Variants in IL22RA1 observed in about 807,000 individuals in gnomAD.
IL22RA1 encodes the protein interleukin-22 receptor subunit alpha-1.
Under a neutral mutation model 32.8 loss-of-function variants are expected in IL22RA1, and 25 were observed. The observed-to-expected ratio is 0.76, with a 90% CI of 0.55 to 1.06. The LOEUF is 1.06. Among genes scored for constraint, IL22RA1 ranks in the 50% least tolerant of loss-of-function variants. The pLI is 0.00. For synonymous variants in IL22RA1, 305 were observed against 305.0 expected (o/e 1.00, Z 0.00); for missense variants, 709 against 727.4 (o/e 0.97, Z 0.29).
Position 24,121,235 on chromosome 1 carries a change from T to C in IL22RA1, c.1295A>G (p.Gln432Arg), listed in dbSNP as rs761786806. 1.8e-5 allele frequency: 29 copies of C among 1,614,130 alleles called. No homozygotes were observed. The highest frequency in any genetic ancestry group is 2.4e-5 in the Non-Finnish European group (28 of 1,180,052). The change falls in exon 7 of 7, where the codon CAG becomes CGG. Residue 432 changes from glutamine to arginine, a missense_variant. Coordinates refer to ENST00000270800, the MANE Select transcript of IL22RA1 (RefSeq NM_021258.4). The part of the protein sequence containing the change: ...PKHLRPKGQL[Q>R]KEPPAGSCML... ...GCAGCTTCCAGCTGGTGGCTCTTTC[T>C]GAAGCTGACCTTTAGGCCTAAGGTG...
At chr1:24,128,337 C>T in intron 4 of IL22RA1, 58 bp from the exon 5 acceptor site, 1 of 1,605,288 alleles carries the variant, frequency 6.2e-7, no homozygotes, top group Non-Finnish European at 8.5e-7. Context: ...CCACATAGAG[C>T]CCAAGGAAGC....
intron 3 of IL22RA1, among the ~76,000 whole-genome samples, chr1:24,136,214 C>T (rs2506093): frequency 0.98 from 149,120 of 152,278 alleles, 73,110 homozygotes; most frequent in East Asian, 1. Flanking sequence ...CTCAGCCTCC[C>T]AAAGTGCTGG....
Position 24,121,362 on chromosome 1 carries a change from A to C in IL22RA1, c.1168T>G (p.Tyr390Asp). Reference protein sequence around the residue: ...QAISKVQPSSYAPQATPDSWP... With the variant: ...QAISKVQPSSDAPQATPDSWP... ...CTGTCCGGAGTGGCTTGAGGGGCAT[A>C]GGAGGAAGGCTGGACCTTAGAGATG... The change falls in exon 7 of 7, where the codon TAT becomes GAT. Residue 390 changes from tyrosine to aspartate, a missense_variant. Transcript: ENST00000270800. 6.3e-7 allele frequency: 1 copy of C among 1,586,914 alleles called. No individual in the cohort carries two copies. The highest frequency in any genetic ancestry group is 1.2e-5 in the South Asian group (1 of 86,424).
chr1:24,137,415 C>T (rs550602058), intron 2 of IL22RA1, 106 bp from the exon 3 acceptor site: 2 of 980,282 alleles, frequency 2.0e-6, no homozygotes, highest in Admixed American at 2.0e-5. Flanking sequence ...TTAGCACGTT[C>T]AGTGGCCCAG....
chr1:24,126,630 C>T (rs1241625812), intron 5 of IL22RA1, among the ~76,000 whole-genome samples: 2 of 152,168 alleles, frequency 1.3e-5, no homozygotes, highest in African/African-American at 2.4e-5. Context: ...TGAATGTTGG[C>T]ATGGTTGGAA....
Position 24,138,729 on chromosome 1 carries a change from G to A in IL22RA1, c.44-15C>T, listed in dbSNP as rs1277612708. On this transcript the variant is annotated splice_polypyrimidine_tract_variant and intron_variant, in intron 1 of 6. Coordinates refer to ENST00000270800, the MANE Select transcript of IL22RA1 (RefSeq NM_021258.4). ...AGGGGCGTGAGCTGCAGGAGGGTGGGAGGAGGGTGAGCAGGGGCTTTCCCA... is the reference window on the plus strand; with the variant it reads ...AGGGGCGTGAGCTGCAGGAGGGTGGAAGGAGGGTGAGCAGGGGCTTTCCCA... 6.8e-6 allele frequency: 11 copies of A among 1,612,914 alleles called. No individual in the cohort carries two copies. The highest frequency in any genetic ancestry group is 9.3e-6 in the Non-Finnish European group (11 of 1,179,500).
chr1:24,137,358 G>T (rs369494000), intron 2 of IL22RA1, 49 bp from the exon 3 acceptor site: 13 of 1,560,514 alleles, frequency 8.3e-6, no homozygotes, highest in Non-Finnish European at 1.1e-5. Context: ...AAAGGCCAGC[G>T]CTAGGCCTGT....
chr1:24,134,825 A>T, intron 3 of IL22RA1: 6 of 983,702 alleles, frequency 6.1e-6, no homozygotes, highest in Non-Finnish European at 7.2e-6. Context: ...AGCCTCAAAG[A>T]TCAGGCTGAA....
At chr1:24,128,692 T>C (rs999302582) in intron 4 of IL22RA1, among the ~76,000 whole-genome samples, 1 of 152,140 alleles carries the variant, frequency 6.6e-6, no homozygotes, top group Admixed American at 6.5e-5. Context: ...TGAACACCCA[T>C]TCCTTTCTTT....
At chr1:24,125,054 A>G (rs763516003) in intron 5 of IL22RA1, among the ~76,000 whole-genome samples, 3 of 152,134 alleles carry the variant, frequency 2.0e-5, no homozygotes, top group Non-Finnish European at 2.9e-5. Context: ...TCTGCCACAG[A>G]TATGCTGAGC....
At chr1:24,136,409 G>A (rs1279562143) in intron 3 of IL22RA1, among the ~76,000 whole-genome samples, 1 of 152,248 alleles carries the variant, frequency 6.6e-6, no homozygotes, top group African/African-American at 2.4e-5. Context: ...TGTGATCTGA[G>A]CGATGAAGAC....
rs993449578 is a variant in IL22RA1, at chr1:24,123,551, C to T, written c.671-128G>A. 4.7e-6 allele frequency: 7 copies of T among 1,501,612 alleles called. No homozygotes were observed. In the East Asian group the frequency reaches 1.7e-4, roughly 37 times the overall value. The allele number at this position is 1,501,612 out of a possible 1,614,324, so 93.0% of individuals were successfully genotyped here. A position where few individuals can be genotyped will look rare whatever the true frequency, so the allele number is the denominator to read the frequency against. ...GGGCTGGCAAGGCCTCTCCTACCGT[C>T]AGAATGCAAGATCACAAATGGAAGT... On this transcript the variant is annotated intron_variant, in intron 5 of 6. Coordinates refer to ENST00000270800, the MANE Select transcript of IL22RA1 (RefSeq NM_021258.4).
At chr1:24,140,673 T>G (rs1644274666) in intron 1 of IL22RA1, among the ~76,000 whole-genome samples, 1 of 152,138 alleles carries the variant, frequency 6.6e-6, no homozygotes, top group Non-Finnish European at 1.5e-5. Context: ...AAAGAGTCCT[T>G]AACTTATAAA....
chr1:24,140,064 C>T (rs746726410), intron 1 of IL22RA1, among the ~76,000 whole-genome samples: 4 of 152,156 alleles, frequency 2.6e-5, no homozygotes, highest in African/African-American at 4.8e-5. Flanking sequence ...TTTGATTTAC[C>T]GAAAGACAAA....
intron 6 of IL22RA1, 67 bp from the exon 7 acceptor site, chr1:24,121,804 G>T: frequency 7.7e-7 from 1 of 1,302,522 alleles, no homozygotes; most frequent in Middle Eastern, 2.6e-4. Flanking sequence ...TACTGGTGAT[G>T]TGGGTGGGTG....
At chr1:24,137,024 C>A in intron 3 of IL22RA1, 107 bp downstream of exon 3, 1 of 1,066,116 alleles carries the variant, frequency 9.4e-7, no homozygotes, top group Non-Finnish European at 1.3e-6. Flanking sequence ...TGCAGAGAGC[C>A]CCTTCTGGAC....
In IL22RA1 at chr1:24,138,712, G is replaced by A; in HGVS notation, c.46C>T (p.His16Tyr). ...AGATCCGAGGGGTCCTCAGGGGCGT[G>A]AGCTGCAGGAGGGTGGGAGGAGGGT... ...TILTVGSLAA[H>Y]APEDPSDLLQ... Residue 16 changes from histidine (H) to tyrosine (Y), a missense_variant and splice_region_variant, in exon 2 of 7, where the codon CAC becomes TAC. His to Tyr is a moderately conservative substitution (Grantham distance 83). Transcript: ENST00000270800. The A allele has an allele frequency of 6.2e-7, 1 of 1,613,884 alleles. No homozygotes were observed. Among genetic ancestry groups the A allele is most frequent in the Non-Finnish European group, 8.5e-7 (1 of 1,179,912 alleles).
chr1:24,137,115 A>G lies in IL22RA1; in HGVS notation c.355+16T>C, dbSNP rs769607269. ...TCCTCTTCCCTCCCCTGAAACCCAC[A>G]GGGGCTCCAACTCACTGTGCTGCAG... On this transcript the variant is annotated intron_variant, in intron 3 of 6. Coordinates refer to ENST00000270800, the MANE Select transcript of IL22RA1 (RefSeq NM_021258.4). 1.9e-6 allele frequency: 3 copies of G among 1,600,406 alleles called. No individual in the cohort carries two copies. Among genetic ancestry groups the G allele is most frequent in the Non-Finnish European group, 1.7e-6 (2 of 1,169,138 alleles).
At chr1:24,123,924 G>C (rs1044179183) in intron 5 of IL22RA1, among the ~76,000 whole-genome samples, 2 of 152,206 alleles carry the variant, frequency 1.3e-5, no homozygotes, top group African/African-American at 4.8e-5. Flanking sequence ...TTTGGGCCAA[G>C]GGTCTGCACT....
Sources: gnomAD v4.1 joint callset for allele counts (sites outside exome capture counted in the v4.1 genomes callset) on GRCh38, gnomAD v4.1.1 for gene constraint, MANE v1.5 for transcripts, NCBI Gene and HGNC (gene_info 2026-07-23, HGNC 2026-07-21) for gene names.